ELAVL2: variants seen among roughly 807,000 people sequenced by gnomAD.
ELAVL2 encodes ELAV-like protein 2.
Under a neutral mutation model 34.6 loss-of-function variants are expected in ELAVL2, and 4 were observed. The observed-to-expected ratio is 0.12, with a 90% CI of 0.06 to 0.26. The LOEUF (loss-of-function observed/expected upper bound fraction) is 0.26, where lower values mean the gene tolerates loss of function less well. Among genes scored for constraint, ELAVL2 ranks in the 10% least tolerant of loss-of-function variants. ELAVL2 has a pLI of 1.00. For missense variants in ELAVL2, 432 were observed against 442.8 expected, an observed-to-expected ratio of 0.98 and a Z score of 0.22; for synonymous variants, 193 against 154.8, an observed-to-expected ratio of 1.25 and a Z score of -1.83.
At chr9:23,781,885 C>G (rs1414382781) in intron 1 of ELAVL2, among the ~76,000 whole-genome samples, 1 of 152,028 alleles carries the variant, frequency 6.6e-6, no homozygotes, top group African/African-American at 2.4e-5. Context: ...GGGGTTTCAG[C>G]GTGTTAGTCA....
At chr9:23,772,491 A>C (rs896794634) in intron 1 of ELAVL2, among the ~76,000 whole-genome samples, 2 of 151,304 alleles carry the variant, frequency 1.3e-5, no homozygotes, top group Admixed American at 1.3e-4. Context: ...ACTTAGAGAT[A>C]GAAAACCAAA....
At chr9:23,757,364 T>C (rs2053824714) in intron 2 of ELAVL2, among the ~76,000 whole-genome samples, 1 of 151,982 alleles carries the variant, frequency 6.6e-6, no homozygotes, top group South Asian at 2.1e-4. Flanking sequence ...AACATCCAGG[T>C]AAAGCATAAG....
chr9:23,793,658 G>A (rs993376455), intron 1 of ELAVL2, among the ~76,000 whole-genome samples: 3 of 151,956 alleles, frequency 2.0e-5, no homozygotes, highest in Admixed American at 6.6e-5. Context: ...AACCTATACT[G>A]GATCCTTATT....
intron 1 of ELAVL2, among the ~76,000 whole-genome samples, chr9:23,805,113 C>G (rs1250642615): frequency 1.3e-5 from 2 of 152,036 alleles, no homozygotes; most frequent in Non-Finnish European, 1.5e-5. Context: ...GAAATTGAGA[C>G]TGAAGAAAAA....
At chr9:23,785,844 G>T (rs1588490185) in intron 1 of ELAVL2, among the ~76,000 whole-genome samples, 1 of 152,134 alleles carries the variant, frequency 6.6e-6, no homozygotes, top group Non-Finnish European at 1.5e-5. Flanking sequence ...AAGAGACACT[G>T]GGTCCCACTC....
intron 1 of ELAVL2, chr9:23,821,838 C>G (rs914635406): frequency 1.3e-5 from 2 of 151,448 alleles, no homozygotes; most frequent in African/African-American, 4.8e-5. Context: ...CGCCGCGGTC[C>G]CGCCGTTTGT....
At chr9:23,829,623 G>T (rs190444345), upstream of ELAVL2, 75 of 152,250 alleles carry the variant, frequency 4.9e-4, no homozygotes, top group Non-Finnish European at 2.2e-4. Flanking sequence ...GAGAAATACA[G>T]ATATCATATA....
intron 1 of ELAVL2, among the ~76,000 whole-genome samples, chr9:23,816,402 T>G (rs575279296): frequency 6.7e-6 from 1 of 150,060 alleles, no homozygotes; most frequent in East Asian, 2.0e-4. Context: ...TTATAAAAGA[T>G]TTTTGTGATA....
chr9:23,829,232 G>T (rs77653299), upstream of ELAVL2, among the ~76,000 whole-genome samples: 1,002 of 152,288 alleles, frequency 6.6e-3, 11 homozygotes, highest in African/African-American at 0.023. Flanking sequence ...AGTTGCAAAA[G>T]AATAGTTCTC....
intron 1 of ELAVL2, among the ~76,000 whole-genome samples, chr9:23,810,789 T>C (rs1250938160): frequency 6.6e-6 from 1 of 152,136 alleles, no homozygotes; most frequent in Non-Finnish European, 1.5e-5. Context: ...CAGGGAGCTG[T>C]GGCAAGTTTC....
At position 23,737,413 on chromosome 9, in the gene ELAVL2, T is replaced by C. The variant is rs534269516; in HGVS notation, c.230-6288A>G. ...CGAGTTTTAAATAGTTCATGTAAAA[T>C]TGTTCATACGAAAAATTTCTACAAA... is the stretch of plus-strand genomic sequence containing the variant. On this transcript the variant is annotated intron_variant, in intron 2 of 6. Coordinates refer to ENST00000397312, the MANE Select transcript of ELAVL2 (RefSeq NM_004432.5). Among the ~76,000 whole-genome samples, 5 of 152,318 alleles carry C rather than the reference T, an allele frequency of 3.3e-5. No homozygotes were observed. The South Asian group carries it at 8.3e-4, about 25-fold the overall frequency.
chr9:23,813,429 T>A (rs1197975140), intron 1 of ELAVL2, among the ~76,000 whole-genome samples: 2 of 150,762 alleles, frequency 1.3e-5, no homozygotes, highest in East Asian at 1.9e-4. Context: ...TTTTTTTTTT[T>A]ACAACAATCT....
At chr9:23,742,411 T>C (rs1270670612) in intron 2 of ELAVL2, among the ~76,000 whole-genome samples, 1 of 152,192 alleles carries the variant, frequency 6.6e-6, no homozygotes, top group East Asian at 1.9e-4. Flanking sequence ...TACACATGCC[T>C]TGTGAATGCA....
At chr9:23,820,778 TGGA>T (rs2138536715) in intron 1 of ELAVL2, among the ~76,000 whole-genome samples, 1 of 152,282 alleles carries the variant, frequency 6.6e-6, no homozygotes, top group Admixed American at 6.5e-5. Context: ...CCAGCCAAGC[TGGA>T]GGAGCAGCTG....
intron 2 of ELAVL2, among the ~76,000 whole-genome samples, chr9:23,758,607 C>T (rs541105342): frequency 2.8e-4 from 42 of 152,070 alleles, no homozygotes; most frequent in Non-Finnish European, 4.9e-4. Context: ...TTGATGTGAA[C>T]AGGTTAAACT....
chr9:23,810,302 C>T (rs2062807685), intron 1 of ELAVL2, among the ~76,000 whole-genome samples: 2 of 152,078 alleles, frequency 1.3e-5, no homozygotes, highest in Admixed American at 1.3e-4. Flanking sequence ...AGAAGTCACC[C>T]AGTCATGGAC....
chr9:23,821,589 C>A (rs1484311334), intron 1 of ELAVL2: 2 of 152,486 alleles, frequency 1.3e-5, no homozygotes, highest in African/African-American at 4.8e-5. Flanking sequence ...CCCGCCCCCA[C>A]GCCCCCAGCA....
intron 1 of ELAVL2, among the ~76,000 whole-genome samples, chr9:23,778,146 G>A (rs1029415853): frequency 2.6e-5 from 4 of 152,062 alleles, no homozygotes; most frequent in East Asian, 1.9e-4. Context: ...GAATCCGAGG[G>A]CCAGCTTGCA....
intron 2 of ELAVL2, among the ~76,000 whole-genome samples, chr9:23,757,049 A>G (rs2053730654): frequency 6.6e-6 from 1 of 152,106 alleles, no homozygotes. Context: ...CAGATTCCAA[A>G]ACTCCCTTAG....
Sources: gnomAD v4.1 joint callset for allele counts (sites outside exome capture counted in the v4.1 genomes callset) on GRCh38, gnomAD v4.1.1 for gene constraint, MANE v1.5 for transcripts, NCBI Gene and HGNC (gene_info 2026-07-23, HGNC 2026-07-21) for gene names.